DGKB: variants seen among roughly 807,000 people sequenced by gnomAD.
The protein encoded by DGKB is diacylglycerol kinase beta, also known as 90 kDa diacylglycerol kinase.
DGKB carries 67 observed loss-of-function variants against 114.3 expected under a neutral mutation model. That is an observed-to-expected ratio of 0.59 (90% CI 0.48 to 0.72). The LOEUF (loss-of-function observed/expected upper bound fraction) is 0.72, where lower values mean the gene tolerates loss of function less well. DGKB is among the 30% of genes least tolerant of loss of function. The pLI is 0.00. For synonymous variants in DGKB, 398 were observed against 323.1 expected (o/e 1.23, Z -2.49); for missense variants, 907 against 975.2 (o/e 0.93, Z 0.93).
intron 1 of DGKB, among the ~76,000 whole-genome samples, chr7:14,945,347 G>A (rs915573740): frequency 7.2e-5 from 11 of 151,944 alleles, no homozygotes; most frequent in African/African-American, 2.6e-4. Flanking sequence ...GTAACCAGAA[G>A]GAAGTAGGCA....
intron 20 of DGKB, among the ~76,000 whole-genome samples, chr7:14,520,252 G>A (rs1470309541): frequency 1.1e-5 from 1 of 89,268 alleles, no homozygotes; most frequent in African/African-American, 3.9e-5. Flanking sequence ...ACTGGATTTT[G>A]TCGGTTTTCT....
chr7:14,860,081 GA>G (rs1450918128), intron 1 of DGKB, among the ~76,000 whole-genome samples: 2 of 151,938 alleles, frequency 1.3e-5, no homozygotes, highest in Admixed American at 6.6e-5. Flanking sequence ...TGAAATAATG[GA>G]AAAAGCAGCT....
rs750329719 is a variant in DGKB, at chr7:14,334,362, A to ATGTGTGTG, written c.2122+4145_2122+4152dup. Among the ~76,000 whole-genome samples, 1,071 of 144,790 alleles carry ATGTGTGTG rather than the reference A, an allele frequency of 7.4e-3. 12 individuals carry two copies. The highest frequency in any genetic ancestry group is 0.026 in the African/African-American group (994 of 37,792). 95.0% of individuals were successfully genotyped at this position (144,790 alleles called of 152,430 possible). A position where few individuals can be genotyped will look rare whatever the true frequency, so the allele number is the denominator to read the frequency against. ...TTTATTTCTTTATATGTATATACAT[A>ATGTGTGTG]TGTGTGTGTGTGTGTGTGTGTGTGT... On this transcript the variant is annotated intron_variant, in intron 23 of 25. Coordinates refer to ENST00000402815, the MANE Select transcript of DGKB (RefSeq NM_001350709.2).
intron 22 of DGKB, among the ~76,000 whole-genome samples, chr7:14,344,101 T>C (rs1009967806): frequency 6.6e-6 from 1 of 150,430 alleles, no homozygotes; most frequent in Non-Finnish European, 1.5e-5. Flanking sequence ...TTATATACAG[T>C]TATTTGTGTG....
At chr7:14,668,245 G>A (rs541808646) in intron 13 of DGKB, among the ~76,000 whole-genome samples, 29 of 152,200 alleles carry the variant, frequency 1.9e-4, no homozygotes, top group Admixed American at 1.8e-3. Flanking sequence ...CAGTTGGGCT[G>A]AAGTAAAGAG....
At chr7:14,576,339 T>A (rs541306423) in intron 19 of DGKB, among the ~76,000 whole-genome samples, 54 of 152,046 alleles carry the variant, frequency 3.6e-4, no homozygotes, top group Middle Eastern at 6.8e-3. Context: ...TTTAAATGTT[T>A]AATTAATTTC....
rs188509738 is a variant in DGKB, at chr7:14,367,482, C to A, written c.1836-22091G>T. Among the ~76,000 whole-genome samples, 4 of 152,154 alleles carry A rather than the reference C, an allele frequency of 2.6e-5. No individual in the cohort carries two copies. In the East Asian group the frequency reaches 5.9e-4, roughly 22 times the overall value. On this transcript the variant is annotated intron_variant, in intron 21 of 25. Coordinates refer to ENST00000402815, the MANE Select transcript of DGKB (RefSeq NM_001350709.2). Reference sequence around the variant, plus strand: ...CCTTTGCTCTTCCTTCACTTTCCGCCACGGTCGTGAGGCCTCCCCAGCCAC... The same window carrying A: ...CCTTTGCTCTTCCTTCACTTTCCGCAACGGTCGTGAGGCCTCCCCAGCCAC...
chr7:14,754,578 GA>G (rs112379401), intron 3 of DGKB, among the ~76,000 whole-genome samples: 53,903 of 149,526 alleles, frequency 0.36, 13,259 homozygotes, highest in African/African-American at 0.69. Flanking sequence ...AAGATCAAAA[GA>G]AAAAAAAAAT....
intron 1 of DGKB, among the ~76,000 whole-genome samples, chr7:14,861,507 A>C (rs1850971470): frequency 6.6e-6 from 1 of 152,134 alleles, no homozygotes; most frequent in Admixed American, 6.5e-5. Flanking sequence ...TTATATAAAA[A>C]GTTGAAAGAA....
intron 21 of DGKB, among the ~76,000 whole-genome samples, chr7:14,470,062 T>C (rs1224962767): frequency 2.0e-5 from 3 of 151,992 alleles, no homozygotes; most frequent in Admixed American, 6.6e-5. Context: ...ATTTAAATGA[T>C]ATAGCAAAGT....
chr7:14,848,117 A>G (rs1369239160), intron 1 of DGKB, among the ~76,000 whole-genome samples: 1 of 152,216 alleles, frequency 6.6e-6, no homozygotes, highest in Non-Finnish European at 1.5e-5. Context: ...GTGGATATGA[A>G]TAGGACAAGA....
rs1056068372 is a variant in DGKB, at chr7:14,229,198, G to T, written c.2123-51047C>A. On this transcript the variant is annotated intron_variant, in intron 23 of 25. Transcript: ENST00000402815. The stretch of plus-strand genomic sequence containing the variant: ...ATTCTATATTGTGTTTATAATATGT[G>T]GTCAGTATTACTCATACATACATAC... Among the ~76,000 whole-genome samples, 11 of 151,952 alleles carry T rather than the reference G, an allele frequency of 7.2e-5. No individual in the cohort carries two copies. In the South Asian group the frequency reaches 1.9e-3, roughly 26 times the overall value.
intron 5 of DGKB, among the ~76,000 whole-genome samples, chr7:14,734,131 T>C (rs1232920360): frequency 6.6e-6 from 1 of 151,898 alleles, no homozygotes; most frequent in Non-Finnish European, 1.5e-5. Flanking sequence ...GCTTCCTGGG[T>C]TCAAGTGATT....
chr7:14,321,702 T>C (rs1807846379), intron 23 of DGKB, among the ~76,000 whole-genome samples: 1 of 152,048 alleles, frequency 6.6e-6, no homozygotes, highest in South Asian at 2.1e-4. Context: ...TCCAACAGTC[T>C]ATAGATACAG....
At chr7:14,304,749 A>T (rs1433979939) in intron 23 of DGKB, among the ~76,000 whole-genome samples, 1 of 152,070 alleles carries the variant, frequency 6.6e-6, no homozygotes, top group Non-Finnish European at 1.5e-5. Context: ...AATTTTGTGG[A>T]ATTTCTCAGT....
chr7:14,944,350 T>G (rs573977677), intron 1 of DGKB, among the ~76,000 whole-genome samples: 1 of 151,996 alleles, frequency 6.6e-6, no homozygotes, highest in South Asian at 2.1e-4. Flanking sequence ...AATAGGAATG[T>G]GTGATATTCG....
intron 1 of DGKB, among the ~76,000 whole-genome samples, chr7:14,927,996 T>C (rs1784829600): frequency 6.6e-6 from 1 of 151,976 alleles, no homozygotes; most frequent in Admixed American, 6.6e-5. Context: ...ACTACAAATG[T>C]ACCCTTCATA....
chr7:14,208,900 AT>A (rs1454500992), intron 23 of DGKB, among the ~76,000 whole-genome samples: 6 of 143,242 alleles, frequency 4.2e-5, no homozygotes, highest in Non-Finnish European at 9.1e-5. Flanking sequence ...TTTTTTTTTC[AT>A]TTATCCTTTT....
Position 14,661,262 on chromosome 7 carries a change from C to A in DGKB, c.1134+11667G>T, listed in dbSNP as rs573150573. On this transcript the variant is annotated intron_variant, in intron 13 of 25. Coordinates refer to ENST00000402815, the MANE Select transcript of DGKB (RefSeq NM_001350709.2). ...CAAAAGAAGCTACCATCTGAGTGAA[C>A]AGGCAACCTACAGAATGGGAGAAAA... Among the ~76,000 whole-genome samples the A allele has an allele frequency of 3.4e-5, 5 of 147,290 alleles. No individual in the cohort carries two copies. In the East Asian group the frequency reaches 1.0e-3, roughly 29 times the overall value.
Sources: gnomAD v4.1 joint callset for allele counts (sites outside exome capture counted in the v4.1 genomes callset) on GRCh38, gnomAD v4.1.1 for gene constraint, MANE v1.5 for transcripts, NCBI Gene and HGNC (gene_info 2026-07-23, HGNC 2026-07-21) for gene names.